The following IMMP2L variants were observed in gnomAD, a reference collection of about 807,000 sequenced individuals.
The protein encoded by IMMP2L is inner mitochondrial membrane peptidase subunit 2, also known as mitochondrial inner membrane protease subunit 2.
IMMP2L carries 18 observed loss-of-function variants against 19.3 expected under a neutral mutation model. The observed-to-expected ratio is 0.93, with a 90% CI of 0.64 to 1.38. IMMP2L has a LOEUF of 1.38. IMMP2L is among the 40% of genes most tolerant of loss of function. IMMP2L has a pLI of 0.00. For synonymous variants in IMMP2L, 76 were observed against 73.0 expected (o/e 1.04, Z -0.21); for missense variants, 233 against 218.2 (o/e 1.07, Z -0.43).
intron 5 of IMMP2L, among the ~76,000 whole-genome samples, chr7:110,749,892 A>T (rs1797618447): frequency 6.6e-6 from 1 of 151,976 alleles, no homozygotes; most frequent in South Asian, 2.1e-4. Context: ...AACTTAAAGT[A>T]TAATAATAAT....
At chr7:111,229,214 T>C (rs1050238229) in intron 3 of IMMP2L, among the ~76,000 whole-genome samples, 1 of 152,070 alleles carries the variant, frequency 6.6e-6, no homozygotes, top group Non-Finnish European at 1.5e-5. Context: ...ATTCTTAATA[T>C]TTTTATAATA....
chr7:110,843,705 C>G (rs1467395285), intron 5 of IMMP2L, among the ~76,000 whole-genome samples: 15 of 152,082 alleles, frequency 9.9e-5, no homozygotes, highest in Non-Finnish European at 1.9e-4. Flanking sequence ...AAATATAAAG[C>G]CATCAATGTG....
At chr7:111,326,734 A>G (rs1332575629) in intron 3 of IMMP2L, among the ~76,000 whole-genome samples, 2 of 151,874 alleles carry the variant, frequency 1.3e-5, no homozygotes, top group Non-Finnish European at 1.5e-5. Flanking sequence ...TGGAACCCTT[A>G]TGCACTGTTG....
intron 2 of IMMP2L, among the ~76,000 whole-genome samples, chr7:111,488,974 A>G (rs1023122420): frequency 2.7e-5 from 4 of 148,234 alleles, no homozygotes; most frequent in East Asian, 2.0e-4. Flanking sequence ...AGATTTTTTC[A>G]TATGCTTATT....
intron 4 of IMMP2L, among the ~76,000 whole-genome samples, chr7:110,938,540 C>G (rs892281580): frequency 6.6e-6 from 1 of 152,124 alleles, no homozygotes; most frequent in Non-Finnish European, 1.5e-5. Context: ...CCCTCCAAAA[C>G]TATTCATCTA....
intron 5 of IMMP2L, among the ~76,000 whole-genome samples, chr7:110,686,609 G>T (rs903576975): frequency 1.3e-5 from 2 of 151,856 alleles, no homozygotes; most frequent in Non-Finnish European, 2.9e-5. Flanking sequence ...TCTCCCTATT[G>T]CCTGCTTCAA....
intron 4 of IMMP2L, among the ~76,000 whole-genome samples, chr7:110,961,137 A>C (rs1458719449): frequency 6.6e-6 from 1 of 151,962 alleles, no homozygotes; most frequent in East Asian, 1.9e-4. Context: ...AGTTTCTTAC[A>C]AAGTTAAACA....
chr7:110,935,473 T>C (rs1815999599), intron 4 of IMMP2L, among the ~76,000 whole-genome samples: 1 of 152,128 alleles, frequency 6.6e-6, no homozygotes, highest in Admixed American at 6.5e-5. Context: ...CAATTACGTG[T>C]CTTGGAGTTG....
chr7:111,276,870 T>C (rs1378044110), intron 3 of IMMP2L, among the ~76,000 whole-genome samples: 1 of 151,970 alleles, frequency 6.6e-6, no homozygotes, highest in Non-Finnish European at 1.5e-5. Context: ...CTGGGGAAAA[T>C]GCCACCTTAT....
At chr7:111,537,108 C>T (rs922512898) in intron 1 of IMMP2L, among the ~76,000 whole-genome samples, 5 of 151,824 alleles carry the variant, frequency 3.3e-5, no homozygotes, top group East Asian at 1.9e-4. Context: ...GTTTCTATAC[C>T]GAAAGAGTAA....
At chr7:110,814,044 A>G (rs1802252937) in intron 5 of IMMP2L, among the ~76,000 whole-genome samples, 1 of 152,004 alleles carries the variant, frequency 6.6e-6, no homozygotes. Flanking sequence ...TCAATTCCCA[A>G]TGAAACAGAG....
At chr7:111,222,698 T>C (rs938873052) in intron 3 of IMMP2L, among the ~76,000 whole-genome samples, 4 of 152,048 alleles carry the variant, frequency 2.6e-5, no homozygotes, top group African/African-American at 4.8e-5. Flanking sequence ...AACATTCTTA[T>C]ATAAGAACGT....
chr7:110,954,281 G>T (rs1382257804), intron 4 of IMMP2L, among the ~76,000 whole-genome samples: 1 of 152,004 alleles, frequency 6.6e-6, no homozygotes, highest in Non-Finnish European at 1.5e-5. Flanking sequence ...CTAAGCTCCA[G>T]GGGTTTTAGT....
chr7:110,804,127 A>G (rs1483164594), intron 5 of IMMP2L, among the ~76,000 whole-genome samples: 1 of 152,052 alleles, frequency 6.6e-6, no homozygotes, highest in Non-Finnish European at 1.5e-5. Context: ...GAAATGAAAT[A>G]GGGGATGTCC....
intron 3 of IMMP2L, among the ~76,000 whole-genome samples, chr7:111,340,586 G>A (rs536235045): frequency 6.6e-6 from 1 of 151,958 alleles, no homozygotes; most frequent in African/African-American, 2.4e-5. Context: ...CATATCCTAG[G>A]TCCCAGGAAG....
At chr7:110,995,896 T>A (rs1230763047) in intron 3 of IMMP2L, among the ~76,000 whole-genome samples, 1 of 152,142 alleles carries the variant, frequency 6.6e-6, no homozygotes, top group African/African-American at 2.4e-5. Flanking sequence ...TAGGACATTA[T>A]CAACAAATCC....
intron 5 of IMMP2L, among the ~76,000 whole-genome samples, chr7:110,824,669 G>A (rs1341794912): frequency 6.6e-6 from 1 of 152,078 alleles, no homozygotes; most frequent in East Asian, 1.9e-4. Flanking sequence ...CTCCCAGCCT[G>A]TATTGCACTT....
At chr7:110,814,283 C>A (rs996842933) in intron 5 of IMMP2L, among the ~76,000 whole-genome samples, 6 of 151,830 alleles carry the variant, frequency 4.0e-5, no homozygotes, top group Admixed American at 1.3e-4. Context: ...GTAGCAAAAT[C>A]ATTAACTGGG....
chr7:110,674,777 T>C (rs1792174424), intron 5 of IMMP2L, among the ~76,000 whole-genome samples: 1 of 152,204 alleles, frequency 6.6e-6, no homozygotes, highest in South Asian at 2.1e-4. Flanking sequence ...CAAACTCATC[T>C]TCATGATTTC....
Sources: gnomAD v4.1 joint callset for allele counts (sites outside exome capture counted in the v4.1 genomes callset) on GRCh38, gnomAD v4.1.1 for gene constraint, MANE v1.5 for transcripts, NCBI Gene and HGNC (gene_info 2026-07-23, HGNC 2026-07-21) for gene names.